The following AP3B1 variants were observed in gnomAD, a reference collection of about 807,000 sequenced individuals.
AP3B1 encodes the protein AP-3 complex subunit beta-1.
A neutral mutation model predicts 132.5 loss-of-function variants in AP3B1; 61 were observed. The observed-to-expected ratio is 0.46, with a 90% confidence interval of 0.37 to 0.57. The LOEUF (loss-of-function observed/expected upper bound fraction) is 0.57. Ranked by LOEUF, AP3B1 falls within the 20% of genes least tolerant of loss-of-function variation. AP3B1 has a pLI of 0.00. For missense variants in AP3B1, 1,120 were observed against 1,289.4 expected (o/e 0.87, Z 2.01); for synonymous variants, 388 against 438.3 (o/e 0.89, Z 1.43).
chr5:78,165,478 T>C, intron 12 of AP3B1, 132 bp downstream of exon 12: 2 of 658,944 alleles, frequency 3.0e-6, no homozygotes, highest in South Asian at 1.9e-5. Flanking sequence ...AATTTATGAA[T>C]TTCTTAGTTG....
chr5:78,140,564 CTT>C (rs1753102044), intron 15 of AP3B1, among the ~76,000 whole-genome samples: 1 of 152,182 alleles, frequency 6.6e-6, no homozygotes, highest in Non-Finnish European at 1.5e-5. Flanking sequence ...TCAGGGATCT[CTT>C]TTCTAAGAGC....
chr5:78,082,990 T>A (rs1750081486), intron 22 of AP3B1, among the ~76,000 whole-genome samples: 2 of 152,254 alleles, frequency 1.3e-5, no homozygotes, highest in South Asian at 4.1e-4. Context: ...TAATTTTTTA[T>A]ATTTTTAGTA....
chr5:78,194,042 C>T (rs1744983817), intron 7 of AP3B1, among the ~76,000 whole-genome samples: 1 of 152,024 alleles, frequency 6.6e-6, no homozygotes, highest in Non-Finnish European at 1.5e-5. Context: ...GCCTGGATTA[C>T]AGGCGTGAGC....
intron 24 of AP3B1, among the ~76,000 whole-genome samples, chr5:78,027,730 T>C (rs1332979481): frequency 6.6e-5 from 10 of 152,204 alleles, no homozygotes; most frequent in Admixed American, 5.2e-4. Context: ...TTTAGGAAAG[T>C]TCCAGGTTTT....
intron 22 of AP3B1, among the ~76,000 whole-genome samples, chr5:78,044,837 A>C (rs1748252912): frequency 6.6e-6 from 1 of 152,194 alleles, no homozygotes; most frequent in African/African-American, 2.4e-5. Context: ...AATTATCAAA[A>C]AATATGTTAA....
chr5:78,246,220 C>T (rs1010370564), intron 2 of AP3B1, among the ~76,000 whole-genome samples: 1 of 152,044 alleles, frequency 6.6e-6, no homozygotes, highest in Non-Finnish European at 1.5e-5. Flanking sequence ...TTTTTTTCAT[C>T]CTTCAACCTT....
At chr5:78,049,175 A>G (rs956530120) in intron 22 of AP3B1, among the ~76,000 whole-genome samples, 2 of 152,176 alleles carry the variant, frequency 1.3e-5, no homozygotes, top group Non-Finnish European at 2.9e-5. Flanking sequence ...GCGGTTAGAG[A>G]GCAAGGCCCA....
intron 21 of AP3B1, among the ~76,000 whole-genome samples, chr5:78,099,334 A>C (rs138533324): frequency 6.6e-6 from 1 of 152,332 alleles, no homozygotes; most frequent in African/African-American, 2.4e-5. Flanking sequence ...AGGATCAGTC[A>C]ATTGTTCTCA....
chr5:78,003,921 G>A (rs554033873), intron 26 of AP3B1, among the ~76,000 whole-genome samples: 48 of 152,336 alleles, frequency 3.2e-4, no homozygotes, highest in Middle Eastern at 6.8e-3. Flanking sequence ...GGTCATGAAG[G>A]AAGAGGACAG....
rs560113962 is a variant in AP3B1 at position 78,081,300 on chromosome 5, A to ATTTT, written c.2577+8089_2577+8092dup. On this transcript the variant is annotated intron_variant, in intron 22 of 26. Coordinates refer to ENST00000255194, the MANE Select transcript of AP3B1 (RefSeq NM_003664.5). ...AGCCTATTTTTCACAGCATTACTTC[A>ATTTT]TTTTTTTTTTTTTTTTTTTTTTTTT... is the stretch of plus-strand genomic sequence containing the variant. 1.1e-3 allele frequency among the ~76,000 whole-genome samples: 111 copies of ATTTT among 100,856 alleles called. 1 individual carries two copies. Among genetic ancestry groups the ATTTT allele is most frequent in the Middle Eastern group, 7.7e-3 (1 of 130 alleles). 66.2% of individuals were successfully genotyped at this position (100,856 alleles called of 152,430 possible).
chr5:78,001,118 C>T (rs1054902852), downstream of AP3B1: 20 of 152,154 alleles, frequency 1.3e-4, no homozygotes, highest in Non-Finnish European at 2.6e-4. Context: ...TGTGAACTAT[C>T]TTTTAAAGAT....
intron 11 of AP3B1, among the ~76,000 whole-genome samples, chr5:78,174,268 T>C (rs1438744084): frequency 6.6e-6 from 1 of 152,240 alleles, no homozygotes; most frequent in African/African-American, 2.4e-5. Context: ...AGAGGTCCTC[T>C]GGTCTTTAGA....
rs1039413089 is a variant in AP3B1 at position 78,294,670 on chromosome 5, C to T, written c.-91G>A. 3.9e-5 allele frequency: 63 copies of T among 1,595,150 alleles called. No homozygotes were observed. Among genetic ancestry groups the T allele is most frequent in the Non-Finnish European group, 5.2e-5 (61 of 1,171,586 alleles). Reference sequence around the variant, plus strand: ...GAGGGCACGGAACAAAACTAGTTCTCGTACGGAGGAGCGCGCGCAGGCGCT... The same window carrying T: ...GAGGGCACGGAACAAAACTAGTTCTTGTACGGAGGAGCGCGCGCAGGCGCT... On this transcript the variant is annotated 5_prime_UTR_variant, in exon 1 of 27. Transcript: ENST00000255194.
intron 1 of AP3B1, among the ~76,000 whole-genome samples, chr5:78,276,686 G>A (rs1463882982): frequency 1.3e-5 from 2 of 151,786 alleles, no homozygotes; most frequent in Admixed American, 6.6e-5. Context: ...TGGGCAACAC[G>A]GCAAGACCCT....
Position 78,216,250 on chromosome 5 carries a change from G to C in AP3B1, c.604-13C>G, listed in dbSNP as rs1745956990. 3 of 1,611,966 alleles carry C rather than the reference G, an allele frequency of 1.9e-6. No individual in the cohort carries two copies. Among genetic ancestry groups the C allele is most frequent in the Middle Eastern group, 1.6e-4 (1 of 6,062 alleles). ...TGCCAGCTACCAACTAGAAAAGAAA[G>C]AAATAGTAACTTATTAAAAAATGTT... On this transcript the variant is annotated splice_polypyrimidine_tract_variant and intron_variant, in intron 6 of 26. Coordinates refer to ENST00000255194, the MANE Select transcript of AP3B1 (RefSeq NM_003664.5).
intron 13 of AP3B1, among the ~76,000 whole-genome samples, chr5:78,158,799 C>T (rs1364461711): frequency 6.6e-5 from 10 of 151,894 alleles, no homozygotes; most frequent in South Asian, 2.1e-4. Context: ...GGGGTTCAAG[C>T]GATTCTCCTG....
intron 26 of AP3B1, among the ~76,000 whole-genome samples, chr5:78,014,270 C>T (rs934590912): frequency 4.6e-5 from 7 of 151,684 alleles, no homozygotes; most frequent in African/African-American, 1.7e-4. Context: ...GTTTTTATTC[C>T]GCCGTGATTA....
chr5:78,203,548 T>C lies in AP3B1; in HGVS notation c.786+12507A>G, dbSNP rs913214470. ...ATGGGGGGGACACAGACCCAAACCA[T>C]ATCATGTGTCTTGGTGTGCATTCAG... On this transcript the variant is annotated intron_variant, in intron 7 of 26. Transcript: ENST00000255194. 3.9e-5 allele frequency among the ~76,000 whole-genome samples: 6 copies of C among 152,276 alleles called. 1 individual carries two copies. The highest frequency in any genetic ancestry group is 2.6e-4 in the Admixed American group (4 of 15,292).
At chr5:78,141,108 C>G in intron 15 of AP3B1, 35 bp downstream of exon 15, 1 of 1,589,126 alleles carries the variant, frequency 6.3e-7, no homozygotes, top group Non-Finnish European at 8.6e-7. Context: ...GAGGAAAGTA[C>G]GTATTAGATA....
Sources: allele counts gnomAD v4.1 joint callset (sites outside exome capture counted in the v4.1 genomes callset), GRCh38; gene constraint gnomAD v4.1.1; transcripts MANE v1.5; gene names NCBI Gene and HGNC (gene_info 2026-07-23, HGNC 2026-07-21).